The following ABCG1 variants were observed in gnomAD, a reference collection of about 807,000 sequenced individuals.
ABCG1 encodes the protein ATP-binding cassette sub-family G member 1.
A neutral mutation model predicts 69.2 loss-of-function variants in ABCG1; 29 were observed. The ratio of observed to expected loss-of-function variants is 0.42; its 90% CI spans 0.31 to 0.57. The LOEUF is 0.57. Ranked by LOEUF, ABCG1 falls within the 20% of genes least tolerant of loss-of-function variation. The pLI, the probability that ABCG1 is intolerant of heterozygous loss-of-function variation, is 0.15. For missense variants in ABCG1, 718 were observed against 898.1 expected (o/e 0.80, Z 2.56); for synonymous variants, 370 against 374.8 (o/e 0.99, Z 0.15).
chr21:42,277,214 C>T (rs1022190578), intron 5 of ABCG1, among the ~76,000 whole-genome samples: 25 of 152,166 alleles, frequency 1.6e-4, no homozygotes, highest in Non-Finnish European at 4.4e-5. Flanking sequence ...AGACTTGGCA[C>T]TCATGGGGCC....
Position 42,276,933 on chromosome 21 carries a change from C to A in ABCG1, c.576C>A (p.Gly192=). The A allele has an allele frequency of 1.2e-6, 2 of 1,614,174 alleles. No individual in the cohort carries two copies. The highest frequency in any genetic ancestry group is 1.7e-6 in the Non-Finnish European group (2 of 1,180,032). The change falls in exon 5 of 15, where the codon GGC becomes GGA. Residue 192 remains glycine, a synonymous_variant. Coordinates refer to ENST00000398449, the MANE Select transcript of ABCG1 (RefSeq NM_016818.3). The surrounding 1 kb of genome is among the most constrained non-coding windows in gnomAD (Gnocchi z 5.3). ...AHLKLQEKDE[G]RREMVKEILT... ...TGAAGCTTCAGGAGAAGGATGAAGG[C>A]AGAAGGGAAATGGTAAGTGGGTTGT...
chr21:42,245,855 G>A (rs1408835093), intron 2 of ABCG1, among the ~76,000 whole-genome samples: 1 of 151,874 alleles, frequency 6.6e-6, no homozygotes, highest in African/African-American at 2.4e-5. Flanking sequence ...AGGAGGGGAG[G>A]GGGCACCAGG....
intron 2 of ABCG1, among the ~76,000 whole-genome samples, chr21:42,267,741 CGGTGTGGTCTGGGTTCTGCCTGGGTGTG>C (rs2068537446): frequency 3.7e-5 from 2 of 54,296 alleles, no homozygotes; most frequent in African/African-American, 7.6e-5. Flanking sequence ...GGTTCTGTCT[CGGTGTGGTCTGGGTTCTGCCTGGGTGTG>C]GTCTGGGTTC....
Position 42,288,297 on chromosome 21 carries a change from C to T in ABCG1, c.1209C>T (p.Ser403=). Residue 403 remains serine, a synonymous_variant, in exon 10 of 15, where the codon AGC becomes AGT. Coordinates refer to ENST00000398449, the MANE Select transcript of ABCG1 (RefSeq NM_016818.3). This position sits in a 1 kb window ranked among gnomAD's most constrained non-coding sequence, Gnocchi z 4.8. ...TCCTCTTCAAGAGGACCTTCCTCAG[C>T]ATCATGAGGGACTCGGTAAGGCTGC... ...FCILFKRTFL[S]IMRDSVLTHL... is the part of the protein sequence containing the mutation. 2 of 1,609,442 alleles carry T rather than the reference C, an allele frequency of 1.2e-6. No homozygotes were observed. Among genetic ancestry groups the T allele is most frequent in the Non-Finnish European group, 1.7e-6 (2 of 1,177,208 alleles).
At chr21:42,247,239 T>A (rs990007032) in intron 2 of ABCG1, among the ~76,000 whole-genome samples, 5 of 152,230 alleles carry the variant, frequency 3.3e-5, no homozygotes, top group African/African-American at 1.2e-4. Context: ...GTATTTTTGC[T>A]CAGTCTTGGG....
chr21:42,261,310 A>C (rs1402605732), intron 2 of ABCG1, among the ~76,000 whole-genome samples: 1 of 152,014 alleles, frequency 6.6e-6, no homozygotes, highest in Non-Finnish European at 1.5e-5. Context: ...TGCTGTGCTC[A>C]GGCCAGGGTG....
intron 7 of ABCG1, 94 bp from the exon 8 acceptor site, chr21:42,285,786 C>A: frequency 2.4e-6 from 2 of 844,566 alleles, no homozygotes; most frequent in South Asian, 1.4e-5. Context: ...ACTGATTGAT[C>A]GGTTGATTGA....
upstream of ABCG1, among the ~76,000 whole-genome samples, chr21:42,216,398 T>G (rs1246749575): frequency 1.3e-5 from 2 of 152,184 alleles, no homozygotes; most frequent in African/African-American, 2.4e-5. Flanking sequence ...CTCAGGGTTC[T>G]ACTTAGAATG....
chr21:42,268,813 G>C (rs1569228221), intron 2 of ABCG1, among the ~76,000 whole-genome samples: 1 of 152,136 alleles, frequency 6.6e-6, no homozygotes, highest in Non-Finnish European at 1.5e-5. Context: ...CTTCCCATGA[G>C]AGGGCCGAAT....
At position 42,225,657 on chromosome 21, in the gene ABCG1, T is replaced by C. The variant is rs1301249233; in HGVS notation, c.43-14T>C. On this transcript the variant is annotated splice_polypyrimidine_tract_variant and intron_variant, in intron 1 of 14. Transcript: ENST00000398449. ...GCTTATAACAGGTCTTGTTGCTTCC[T>C]CTGGTTTTTCTAGAATGCCAGCAGT... is the stretch of plus-strand genomic sequence containing the variant. 1.2e-6 allele frequency: 2 copies of C among 1,611,808 alleles called. No individual in the cohort carries two copies. Among genetic ancestry groups the C allele is most frequent in the Non-Finnish European group, 1.7e-6 (2 of 1,179,506 alleles).
chr21:42,255,468 G>A (rs1177425889), intron 2 of ABCG1, among the ~76,000 whole-genome samples: 1 of 152,176 alleles, frequency 6.6e-6, no homozygotes, highest in Non-Finnish European at 1.5e-5. Flanking sequence ...GCATGCGCGT[G>A]TGCCTGTGTG....
chr21:42,271,338 C>T (rs1206241133), intron 3 of ABCG1, 151 bp downstream of exon 3: 3 of 498,916 alleles, frequency 6.0e-6, no homozygotes, highest in Non-Finnish European at 1.0e-5. Context: ...AGAGGCTGCA[C>T]TTGCCAAGGG....
At chr21:42,231,766 G>C (rs1457841991) in intron 2 of ABCG1, among the ~76,000 whole-genome samples, 1 of 152,238 alleles carries the variant, frequency 6.6e-6, no homozygotes, top group Non-Finnish European at 1.5e-5. Flanking sequence ...AGGCTGAAGG[G>C]GGATGGATAG....
At chr21:42,260,567 C>T (rs1319360687) in intron 2 of ABCG1, among the ~76,000 whole-genome samples, 4 of 152,178 alleles carry the variant, frequency 2.6e-5, no homozygotes, top group Non-Finnish European at 5.9e-5. Flanking sequence ...CTCCACCAAA[C>T]GCACACCAAC....
At position 42,291,860 on chromosome 21, in the gene ABCG1, G is replaced by A. The variant is rs2069068439; in HGVS notation, c.1653+204G>A. On this transcript the variant is annotated intron_variant, in intron 13 of 14. Transcript: ENST00000398449. The surrounding 1 kb of genome is among the most constrained non-coding windows in gnomAD (Gnocchi z 6.4). ...GTGCGCACAGCGGGCAGCCTCACGT[G>A]TGCTGACTGCGTGCTGGGCGCTCTT... Among the ~76,000 whole-genome samples, 1 of 152,186 alleles carries A rather than the reference G, an allele frequency of 6.6e-6. No individual in the cohort carries two copies. Among genetic ancestry groups the A allele is most frequent in the Admixed American group, 6.5e-5 (1 of 15,282 alleles).
In ABCG1 at chr21:42,237,369, T is replaced by C. The variant is rs150145882; in HGVS notation, c.286+11455T>C. ...CAGTCATTCTAGCATTTGTGCTTTC[T>C]TTGGGCCACTCTCTCTACCAAGAAC... is the stretch of plus-strand genomic sequence containing the variant. On this transcript the variant is annotated intron_variant, in intron 2 of 14. Transcript: ENST00000398449. Among the ~76,000 whole-genome samples, 407 of 152,342 alleles carry C rather than the reference T, an allele frequency of 2.7e-3. 4 individuals carry two copies. The highest frequency in any genetic ancestry group is 0.023 in the Admixed American group (352 of 15,306).
At chr21:42,213,780 C>T (rs111931076), upstream of ABCG1, among the ~76,000 whole-genome samples, 4 of 152,312 alleles carry the variant, frequency 2.6e-5, no homozygotes, top group African/African-American at 7.2e-5. Context: ...GACCTGTTAT[C>T]GCTTTCTTCT....
intron 6 of ABCG1, 124 bp downstream of exon 6, chr21:42,282,543 G>A (rs896473926): frequency 1.6e-5 from 19 of 1,177,500 alleles, no homozygotes; most frequent in South Asian, 9.6e-5. Flanking sequence ...CTCACCCGGC[G>A]GTTCCTCCTT....
At chr21:42,202,976 G>C (rs1033920300) in intron 2 of ABCG1, among the ~76,000 whole-genome samples, 3 of 152,118 alleles carry the variant, frequency 2.0e-5, no homozygotes, top group Non-Finnish European at 4.4e-5. Context: ...CAGACACAAA[G>C]ACCAATGGAA....
Sources: allele counts gnomAD v4.1 joint callset (sites outside exome capture counted in the v4.1 genomes callset), GRCh38; gene constraint gnomAD v4.1.1; non-coding constraint Gnocchi (gnomAD v3.1); transcripts MANE v1.5; gene names NCBI Gene and HGNC (gene_info 2026-07-23, HGNC 2026-07-21).